KAZN: variants seen among roughly 807,000 people sequenced by gnomAD.
KAZN encodes kazrin, periplakin interacting protein.
Under a neutral mutation model 87.4 loss-of-function variants are expected in KAZN, and 40 were observed. That is an observed-to-expected ratio of 0.46 (90% confidence interval 0.36 to 0.60). The LOEUF is 0.60. KAZN is among the 20% of genes least tolerant of loss of function. The pLI is 0.00. For synonymous variants in KAZN, 466 were observed against 458.3 expected (o/e 1.02, Z -0.22); for missense variants, 898 against 1,073.9 (o/e 0.84, Z 2.29).
chr1:14,332,625 C>A (rs1183887747), intron 2 of KAZN, among the ~76,000 whole-genome samples: 1 of 152,130 alleles, frequency 6.6e-6, no homozygotes, highest in African/African-American at 2.4e-5. Context: ...AGTAGTAGCA[C>A]CTTAATTGCA....
At chr1:14,556,029 G>A (rs1230164945) in intron 2 of KAZN, among the ~76,000 whole-genome samples, 1 of 152,032 alleles carries the variant, frequency 6.6e-6, no homozygotes, top group East Asian at 1.9e-4. Context: ...TTGTTTACCT[G>A]AAACCACAGT....
chr1:14,793,076 T>C (rs1331290049), intron 1 of KAZN, among the ~76,000 whole-genome samples: 1 of 151,484 alleles, frequency 6.6e-6, no homozygotes, highest in Non-Finnish European at 1.5e-5. Flanking sequence ...GTGTGTGGCA[T>C]GTTAAGGCGG....
chr1:14,557,666 G>GGT (rs1557799245), intron 2 of KAZN, among the ~76,000 whole-genome samples: 1 of 108,060 alleles, frequency 9.3e-6, no homozygotes, highest in Non-Finnish European at 1.9e-5. Flanking sequence ...GTGTGTGTGT[G>GGT]GTGTGTGAGA....
At chr1:14,753,699 G>T (rs1325448446) in intron 1 of KAZN, among the ~76,000 whole-genome samples, 1 of 152,236 alleles carries the variant, frequency 6.6e-6, no homozygotes, top group African/African-American at 2.4e-5. Context: ...CCAGGGGCAG[G>T]CAGAGCTGAA....
intron 8 of KAZN, among the ~76,000 whole-genome samples, chr1:15,084,720 T>C (rs1640169983): frequency 6.6e-6 from 1 of 152,144 alleles, no homozygotes; most frequent in Admixed American, 6.5e-5. Context: ...TCATCCCCAC[T>C]CCTCTTCTCT....
chr1:13,992,096 C>T (rs1639309462), intron 1 of KAZN, among the ~76,000 whole-genome samples: 1 of 152,052 alleles, frequency 6.6e-6, no homozygotes, highest in African/African-American at 2.4e-5. Context: ...CCAAATGGTC[C>T]CAGACTGGAT....
chr1:15,051,681 C>A (rs999366448), intron 4 of KAZN, among the ~76,000 whole-genome samples: 1 of 152,182 alleles, frequency 6.6e-6, no homozygotes. Flanking sequence ...CCTTGGGATC[C>A]CACAGCTCAG....
chr1:14,046,811 G>T (rs2101435571), intron 1 of KAZN, among the ~76,000 whole-genome samples: 1 of 152,346 alleles, frequency 6.6e-6, no homozygotes, highest in South Asian at 2.1e-4. Context: ...AGCAGGCCCT[G>T]TGTTTCCCGA....
chr1:14,476,128 G>A (rs2148380263), intron 2 of KAZN, among the ~76,000 whole-genome samples: 1 of 152,304 alleles, frequency 6.6e-6, no homozygotes, highest in Middle Eastern at 3.4e-3. Context: ...CAGCACAGGT[G>A]CACATTCGGA....
At chr1:14,723,952 C>T (rs1170112703) in intron 1 of KAZN, among the ~76,000 whole-genome samples, 2 of 152,162 alleles carry the variant, frequency 1.3e-5, no homozygotes, top group Admixed American at 6.5e-5. Context: ...TGGACAGATG[C>T]CTGCAATGAC....
intron 2 of KAZN, among the ~76,000 whole-genome samples, chr1:14,528,380 T>C (rs1355879689): frequency 7.2e-6 from 1 of 139,128 alleles, no homozygotes; most frequent in African/African-American, 2.7e-5. Context: ...AAAAGGAAAA[T>C]TATTTTCACA....
At chr1:15,016,070 A>T (rs542168513) in intron 2 of KAZN, among the ~76,000 whole-genome samples, 4 of 148,696 alleles carry the variant, frequency 2.7e-5, no homozygotes, top group Non-Finnish European at 6.0e-5. Context: ...TCGAGATGAG[A>T]TCATTCTGGG....
intron 1 of KAZN, among the ~76,000 whole-genome samples, chr1:14,175,664 C>A (rs1037747031): frequency 6.6e-6 from 1 of 152,146 alleles, no homozygotes; most frequent in East Asian, 1.9e-4. Context: ...AATCCGCTAG[C>A]CTACTTAGAG....
intron 2 of KAZN, among the ~76,000 whole-genome samples, chr1:14,968,687 G>A (rs1238308324): frequency 1.3e-5 from 2 of 152,228 alleles, no homozygotes; most frequent in African/African-American, 4.8e-5. Context: ...GAAAGGATCC[G>A]GAGTTTCCTC....
At chr1:13,917,116 C>T (rs1196906158) in intron 1 of KAZN, among the ~76,000 whole-genome samples, 1 of 152,040 alleles carries the variant, frequency 6.6e-6, no homozygotes, top group African/African-American at 2.4e-5. Context: ...GCATGCACGC[C>T]CATGTGTGTA....
At chr1:14,454,824 A>G (rs538031655) in intron 2 of KAZN, among the ~76,000 whole-genome samples, 7 of 152,324 alleles carry the variant, frequency 4.6e-5, no homozygotes, top group African/African-American at 1.7e-4. Context: ...TACCTCCAAG[A>G]TCTTAGCAGC....
chr1:14,940,414 CTG>C (rs1660921998), intron 1 of KAZN, among the ~76,000 whole-genome samples: 1 of 152,254 alleles, frequency 6.6e-6, no homozygotes, highest in African/African-American at 2.4e-5. Context: ...ATCTTACACA[CTG>C]AGTCTGTTTC....
rs140320266 is a variant in KAZN, at chr1:14,327,034, T to A, written c.249+146442T>A. On this transcript the variant is annotated intron_variant, in intron 2 of 16. Coordinates refer to the KAZN transcript ENST00000636203. ...AGCTCTTTGCCTGTTTGATTCAATA[T>A]CCCCAGTTCCTAGAACAGTACCTGG... is the stretch of plus-strand genomic sequence containing the variant. Among the ~76,000 whole-genome samples, 1,112 of 152,254 alleles carry A rather than the reference T, an allele frequency of 7.3e-3. 13 individuals carry two copies. The highest frequency in any genetic ancestry group is 0.026 in the African/African-American group (1,062 of 41,542).
At position 14,781,332 on chromosome 1, in the gene KAZN, A is replaced by T. The variant is rs113129959; in HGVS notation, c.227-179352A>T. 7.6e-3 allele frequency among the ~76,000 whole-genome samples: 1,160 copies of T among 152,340 alleles called. 14 individuals carry two copies. Among genetic ancestry groups the T allele is most frequent in the African/African-American group, 0.026 (1,097 of 41,580 alleles). ...GAAAGACTCTGTCTGAAGAAAAAAAACAAAAAACAAAAAAGGCATAAACCT... is the reference window on the plus strand; with the variant it reads ...GAAAGACTCTGTCTGAAGAAAAAAATCAAAAAACAAAAAAGGCATAAACCT... On this transcript the variant is annotated intron_variant, in intron 1 of 14. Coordinates refer to ENST00000376030, the MANE Select transcript of KAZN (RefSeq NM_201628.3).
Sources: allele counts gnomAD v4.1 joint callset (sites outside exome capture counted in the v4.1 genomes callset), GRCh38; gene constraint gnomAD v4.1.1; transcripts MANE v1.5; gene names NCBI Gene and HGNC (gene_info 2026-07-23, HGNC 2026-07-21).